Variants in AKAP12 observed in about 807,000 individuals in gnomAD.
The protein encoded by AKAP12 is A-kinase anchor protein 12.
AKAP12 carries 32 observed loss-of-function variants against 79.9 expected under a neutral mutation model. The ratio of observed to expected loss-of-function variants is 0.40; its 90% CI spans 0.30 to 0.54. The LOEUF is 0.54. AKAP12 is among the 20% of genes least tolerant of loss of function. AKAP12 has a pLI of 0.48. For synonymous variants in AKAP12, 808 were observed against 857.0 expected (o/e 0.94, Z 1.00); for missense variants, 2,074 against 2,177.0 (o/e 0.95, Z 0.94).
chr6:151,267,543 A>G (rs1355408189), intron 2 of AKAP12, among the ~76,000 whole-genome samples: 1 of 152,212 alleles, frequency 6.6e-6, no homozygotes, highest in Non-Finnish European at 1.5e-5. Context: ...AACCCTGGCC[A>G]ACAGAGAGAG....
intron 3 of AKAP12, among the ~76,000 whole-genome samples, chr6:151,345,294 C>T (rs1221836360): frequency 6.6e-6 from 1 of 151,474 alleles, no homozygotes; most frequent in East Asian, 2.0e-4. Context: ...CCAGGATGGT[C>T]TCGATCTCCT....
At chr6:151,301,790 A>G (rs1383501736) in intron 2 of AKAP12, among the ~76,000 whole-genome samples, 1 of 152,174 alleles carries the variant, frequency 6.6e-6, no homozygotes, top group Non-Finnish European at 1.5e-5. Flanking sequence ...ACTCAGGTTC[A>G]GTAACGTCAC....
chr6:151,287,672 T>C (rs900177629), intron 2 of AKAP12, among the ~76,000 whole-genome samples: 11 of 152,228 alleles, frequency 7.2e-5, no homozygotes, highest in African/African-American at 2.2e-4. Flanking sequence ...CTCAAGGATC[T>C]AGAACCAGAA....
Position 151,349,802 on chromosome 6 carries a change from G to C in AKAP12, c.1411G>C (p.Val471Leu). 4 of 1,614,124 alleles carry C rather than the reference G, an allele frequency of 2.5e-6. No homozygotes were observed. The highest frequency in any genetic ancestry group is 3.4e-6 in the Non-Finnish European group (4 of 1,180,040). ...GCTGGTGAAGCTCAAAGAAACGTGT[G>C]TTTCCGGAGAGGACCCTACACAGGG... ...KELVKLKETCVSGEDPTQGAD... is the reference protein window; with the variant it reads ...KELVKLKETCLSGEDPTQGAD... Residue 471 changes from valine (V) to leucine (L), a missense_variant, in exon 4 of 5, where the codon GTT (valine) becomes CTT (leucine). Val to Leu is a conservative substitution (Grantham distance 32). Coordinates refer to ENST00000402676, the MANE Select transcript of AKAP12 (RefSeq NM_005100.4).
At position 151,354,588 on chromosome 6, in the gene AKAP12, G is replaced by T. The variant is rs181798905; in HGVS notation, c.*12+836G>T. On this transcript the variant is annotated intron_variant, in intron 4 of 4. Coordinates refer to ENST00000402676, the MANE Select transcript of AKAP12 (RefSeq NM_005100.4). Reference sequence around the variant, plus strand: ...TGGGTTTTCACCGTGTTAGCCAGGAGGTCTCGATCTCCTGACCTCGTGATC... The same window carrying T: ...TGGGTTTTCACCGTGTTAGCCAGGATGTCTCGATCTCCTGACCTCGTGATC... 7.3e-3 allele frequency among the ~76,000 whole-genome samples: 863 copies of T among 118,616 alleles called. 6 individuals carry two copies. Among genetic ancestry groups the T allele is most frequent in the Non-Finnish European group, 0.01 (533 of 52,290 alleles). The allele number at this position is 118,616 out of a possible 152,430, so 77.8% of individuals were successfully genotyped here.
intron 2 of AKAP12, among the ~76,000 whole-genome samples, chr6:151,247,869 C>T (rs965537545): frequency 6.6e-6 from 1 of 152,148 alleles, no homozygotes; most frequent in African/African-American, 2.4e-5. Flanking sequence ...CACCGGGACA[C>T]CATTAGGCAC....
At chr6:151,332,836 C>T (rs139811262) in intron 3 of AKAP12, among the ~76,000 whole-genome samples, 3 of 152,296 alleles carry the variant, frequency 2.0e-5, no homozygotes, top group African/African-American at 7.2e-5. Context: ...TAGTGGGATG[C>T]TGGAATTGTT....
In AKAP12 at chr6:151,348,943, T is replaced by C. The variant is rs746025818; in HGVS notation, c.552T>C (p.Thr184=). 3.1e-6 allele frequency: 5 copies of C among 1,613,810 alleles called. No homozygotes were observed. In the East Asian group the frequency reaches 1.1e-4, roughly 36 times the overall value. Residue 184 remains threonine, a synonymous_variant, in exon 4 of 5, where the codon ACT becomes ACC. Transcript: ENST00000402676. ...KVFKFVGFKF[T]VKKDKTEKPD... is the part of the protein sequence containing the mutation. ...TTAAGTTTGTTGGCTTTAAATTCAC[T>C]GTGAAAAAGGATAAGACAGAGAAGC... is the stretch of plus-strand genomic sequence containing the variant.
In AKAP12 at chr6:151,267,014, C is replaced by CAA. The variant is rs34974747; in HGVS notation, c.162+26315_162+26316dup. On this transcript the variant is annotated intron_variant, in intron 2 of 4. Transcript: ENST00000402676. ...TGGCGGACAGAGCGAGACTCCATCTCAAAAAAAAAAAAAAAAAAAAAAAAA... is the reference window on the plus strand; with the variant it reads ...TGGCGGACAGAGCGAGACTCCATCTCAAAAAAAAAAAAAAAAAAAAAAAAAAA... Among the ~76,000 whole-genome samples, 141 of 35,308 alleles carry CAA rather than the reference C, an allele frequency of 4.0e-3. 13 individuals are homozygous for CAA. Among genetic ancestry groups the CAA allele is most frequent in the African/African-American group, 8.2e-3 (110 of 13,396 alleles). The allele number at this position is 35,308 out of a possible 152,430, so 23.2% of individuals were successfully genotyped here. A position where few individuals can be genotyped will look rare whatever the true frequency, so the allele number is the denominator to read the frequency against.
chr6:151,321,802 G>A (rs958004431), intron 3 of AKAP12, among the ~76,000 whole-genome samples: 2 of 151,828 alleles, frequency 1.3e-5, no homozygotes, highest in Non-Finnish European at 2.9e-5. Flanking sequence ...CTTCCCAATA[G>A]CGATGTGTGA....
chr6:151,249,975 T>G (rs1214823119), intron 2 of AKAP12, among the ~76,000 whole-genome samples: 1 of 152,196 alleles, frequency 6.6e-6, no homozygotes, highest in Non-Finnish European at 1.5e-5. Flanking sequence ...GTGGGCATGG[T>G]GGCTCATGCC....
intron 2 of AKAP12, among the ~76,000 whole-genome samples, chr6:151,299,329 T>C (rs1254011162): frequency 6.6e-6 from 1 of 152,208 alleles, no homozygotes; most frequent in Non-Finnish European, 1.5e-5. Flanking sequence ...TAAGAATCTA[T>C]GAGTTTTAGG....
Position 151,351,275 on chromosome 6 carries a change from G to A in AKAP12, c.2884G>A (p.Gly962Ser), listed in dbSNP as rs1359070301. The A allele has an allele frequency of 1.9e-6, 3 of 1,614,216 alleles. No homozygotes were observed. The highest frequency in any genetic ancestry group is 1.1e-5 in the South Asian group (1 of 91,080). Residue 962 changes from glycine (G) to serine (S), a missense_variant, in exon 4 of 5, where the codon GGC becomes AGC. Coordinates refer to ENST00000402676, the MANE Select transcript of AKAP12 (RefSeq NM_005100.4). The surrounding 1 kb of genome is among the most constrained non-coding windows in gnomAD (Gnocchi z 4.4). ...TCTGCCAGAGAACAGAGAGGCCCGG[G>A]GCGACACGGTCGTTAGTGAGGCGGA... ...EPLPENREAR[G>S]DTVVSEAELT...
At chr6:151,337,233 G>A (rs1366811521) in intron 3 of AKAP12, among the ~76,000 whole-genome samples, 3 of 151,794 alleles carry the variant, frequency 2.0e-5, no homozygotes, top group South Asian at 2.1e-4. Context: ...GGCCAGGTCC[G>A]GTGGCTCACA....
At chr6:151,354,163 C>A (rs1240383248) in intron 4 of AKAP12, among the ~76,000 whole-genome samples, 11 of 149,274 alleles carry the variant, frequency 7.4e-5, no homozygotes, top group Admixed American at 2.0e-4. Flanking sequence ...AAAAAAAAAA[C>A]AAACAAAAAA....
intron 2 of AKAP12, among the ~76,000 whole-genome samples, chr6:151,241,905 T>C (rs1215032721): frequency 3.3e-5 from 5 of 151,864 alleles, no homozygotes. Context: ...TCTTTTGGGC[T>C]GAGAGACTGC....
In AKAP12 at chr6:151,353,456, G is replaced by C. The variant is rs895334629; in HGVS notation, c.5065G>C (p.Glu1689Gln). The C allele has an allele frequency of 6.2e-7, 1 of 1,614,058 alleles. No homozygotes were observed. The highest frequency in any genetic ancestry group is 1.3e-5 in the African/African-American group (1 of 74,924). Residue 1689 changes from glutamate (E) to glutamine (Q), a missense_variant, in exon 4 of 5, where the codon GAG becomes CAG. Physicochemically the swap from Glu to Gln is conservative, Grantham distance 29. Coordinates refer to ENST00000402676, the MANE Select transcript of AKAP12 (RefSeq NM_005100.4). ...TCATGCCTTGTTAGCAGAAAGAATAGAGAAGTCACTAGTTGAACCGAAAGA... is the reference window on the plus strand; with the variant it reads ...TCATGCCTTGTTAGCAGAAAGAATACAGAAGTCACTAGTTGAACCGAAAGA... ...DGHALLAERI[E>Q]KSLVEPKEDE... is the part of the protein sequence containing the mutation.
intron 3 of AKAP12, among the ~76,000 whole-genome samples, chr6:151,321,132 G>A (rs568926541): frequency 6.3e-4 from 96 of 152,158 alleles, no homozygotes; most frequent in African/African-American, 2.0e-3. Flanking sequence ...GATTACAGGC[G>A]TGCGCCACAA....
chr6:151,326,134 T>C (rs1266104333), intron 3 of AKAP12, among the ~76,000 whole-genome samples: 1 of 152,214 alleles, frequency 6.6e-6, no homozygotes, highest in East Asian at 1.9e-4. Flanking sequence ...TGACTGTGCC[T>C]ATGGGAGACC....
Sources: allele counts gnomAD v4.1 joint callset (sites outside exome capture counted in the v4.1 genomes callset), GRCh38; gene constraint gnomAD v4.1.1; non-coding constraint Gnocchi (gnomAD v3.1); transcripts MANE v1.5; gene names NCBI Gene and HGNC (gene_info 2026-07-23, HGNC 2026-07-21).